The following SERPINH1 variants were observed in gnomAD, a reference collection of about 807,000 sequenced individuals.
The protein encoded by SERPINH1 is serpin H1.
A neutral mutation model predicts 32.3 loss-of-function variants in SERPINH1; 22 were observed. That is an observed-to-expected ratio of 0.68 (90% CI 0.49 to 0.97). The LOEUF (loss-of-function observed/expected upper bound fraction) is 0.97, where lower values mean the gene tolerates loss of function less well. Among genes scored for constraint, SERPINH1 ranks in the 50% least tolerant of loss-of-function variants. SERPINH1 has a pLI of 0.00. For synonymous variants in SERPINH1, 251 were observed against 245.9 expected, an observed-to-expected ratio of 1.02 and a Z score of -0.19; for missense variants, 543 against 576.4, an observed-to-expected ratio of 0.94 and a Z score of 0.59.
rs553118941 is a variant in SERPINH1 at position 75,568,968 on chromosome 11, G to A, written c.751G>A (p.Glu251Lys). 4 of 1,614,080 alleles carry A rather than the reference G, an allele frequency of 2.5e-6. No homozygotes were observed. In the African/African-American group the frequency reaches 4.0e-5, roughly 16 times the overall value. ...CTACAACTACTACGACGACGAGAAG[G>A]AAAAGCTGCAAATCGTGGAGATGCC... Reference protein sequence around the residue: ...GLYNYYDDEKEKLQIVEMPLA... With the variant: ...GLYNYYDDEKKKLQIVEMPLA... The change falls in exon 4 of 5, where the codon GAA becomes AAA. Residue 251 changes from glutamate (E) to lysine (K), a missense_variant. Glu to Lys is a moderately conservative substitution (Grantham distance 56, BLOSUM62 1). Around this residue, in one of 3 missense-constraint regions of SERPINH1, gnomAD observed 427 missense variants for 446.4 expected, o/e 0.96. Coordinates refer to ENST00000358171, the MANE Select transcript of SERPINH1 (RefSeq NM_001235.5).
intron 2 of SERPINH1, chr11:75,568,256 T>G: frequency 4.4e-6 from 1 of 225,536 alleles, no homozygotes; most frequent in Non-Finnish European, 9.0e-6. Context: ...ACCACTGCAC[T>G]CCAGCTGTAG....
At chr11:75,570,395 G>A (rs538197157) in intron 4 of SERPINH1, among the ~76,000 whole-genome samples, 1 of 152,244 alleles carries the variant, frequency 6.6e-6, no homozygotes, top group East Asian at 1.9e-4. Flanking sequence ...CTCTCTCCTG[G>A]TCCTGGCCCT....
chr11:75,564,742 C>A (rs911015565), intron 1 of SERPINH1, among the ~76,000 whole-genome samples: 2 of 152,130 alleles, frequency 1.3e-5, no homozygotes, highest in African/African-American at 4.8e-5. Flanking sequence ...GATCTCTGGG[C>A]CTTCCCTCCT....
rs1208493560 is a variant in SERPINH1, at chr11:75,572,544, C to T, written c.*461C>T. ...GTGCTGCAGCCCCTGGGACCAGGCACCCCCAGAATGACCTGGCCGCAGTGA... is the reference window on the plus strand; with the variant it reads ...GTGCTGCAGCCCCTGGGACCAGGCATCCCCAGAATGACCTGGCCGCAGTGA... On this transcript the variant is annotated 3_prime_UTR_variant, in exon 5 of 5. Transcript: ENST00000358171. The T allele has an allele frequency of 4.7e-6, 1 of 213,292 alleles. No homozygotes were observed. The highest frequency in any genetic ancestry group is 8.6e-5 in the South Asian group (1 of 11,620). 13.2% of individuals were successfully genotyped at this position (213,292 alleles called of 1,614,324 possible). A position where few individuals can be genotyped will look rare whatever the true frequency, so the allele number is the denominator to read the frequency against.
chr11:75,565,193 G>A (rs929691409), intron 1 of SERPINH1, among the ~76,000 whole-genome samples: 1 of 152,228 alleles, frequency 6.6e-6, no homozygotes, highest in African/African-American at 2.4e-5. Context: ...TACTGCTGGG[G>A]CTTGGGGAGG....
chr11:75,568,574 C>A (rs1052270331), intron 2 of SERPINH1, 157 bp from the exon 3 acceptor site: 4 of 690,712 alleles, frequency 5.8e-6, no homozygotes, highest in Middle Eastern at 3.7e-4. Context: ...GGAACATAGA[C>A]TCTGTGGGCT....
Position 75,572,172 on chromosome 11 carries a change from C to CT in SERPINH1, c.*89_*90insT. 7.5e-7 allele frequency: 1 copy of CT among 1,328,058 alleles called. No individual in the cohort carries two copies. The highest frequency in any genetic ancestry group is 1.9e-5 in the Admixed American group (1 of 53,488). The allele number at this position is 1,328,058 out of a possible 1,614,324, so 82.3% of individuals were successfully genotyped here. On this transcript the variant is annotated 3_prime_UTR_variant, in exon 5 of 5. Coordinates refer to ENST00000358171, the MANE Select transcript of SERPINH1 (RefSeq NM_001235.5). ...TTGGGGTTGGGGGGGAGGTGAGGTA[C>CT]CAGCCTTGGATACTCCATGGGGTGG... is the stretch of plus-strand genomic sequence containing the variant.
chr11:75,567,103 G>C, intron 2 of SERPINH1, 132 bp downstream of exon 2: 1 of 1,022,464 alleles, frequency 9.8e-7, no homozygotes, highest in South Asian at 1.6e-5. Context: ...AGGCAGGACT[G>C]TCACTCAGCT....
chr11:75,566,194 C>T, intron 1 of SERPINH1, 122 bp from the exon 2 acceptor site: 6 of 856,942 alleles, frequency 7.0e-6, no homozygotes, highest in Non-Finnish European at 9.1e-6. Context: ...TCTGGGATTC[C>T]TGGACTGTGG....
intron 2 of SERPINH1, chr11:75,568,480 T>C: frequency 3.6e-6 from 2 of 550,086 alleles, no homozygotes; most frequent in South Asian, 1.9e-5. Context: ...TAATTCTCTA[T>C]CATATGGGAG....
rs748414210 is a variant in SERPINH1 at position 75,566,645 on chromosome 11, C to G, written c.296C>G (p.Ala99Gly). 2 of 1,608,020 alleles carry G rather than the reference C, an allele frequency of 1.2e-6. No homozygotes were observed. Among genetic ancestry groups the G allele is most frequent in the Non-Finnish European group, 8.5e-7 (1 of 1,178,470 alleles). The change falls in exon 2 of 5, where the codon GCC (alanine) becomes GGC (glycine). Residue 99 changes from alanine (A) to glycine (G), a missense_variant. This residue lies in a region of SERPINH1 where 427 missense variants were observed against 446.4 expected (regional missense o/e 0.96). Coordinates refer to ENST00000358171, the MANE Select transcript of SERPINH1 (RefSeq NM_001235.5). ...TCGCAGGCCAAGGCAGTGCTGAGCG[C>G]CGAGCAGCTGCGCGACGAGGAGGTG... ...TASQAKAVLSAEQLRDEEVHA... is the reference protein window; with the variant it reads ...TASQAKAVLSGEQLRDEEVHA...
rs751053910 is a variant in SERPINH1 at position 75,566,538 on chromosome 11, A to C, written c.189A>C (p.Ala63=). ...SLYQAMAKDQ[A]VENILVSPVV... Reference sequence around the variant, plus strand: ...ACCAGGCCATGGCCAAGGACCAGGCAGTGGAGAACATCCTGGTGTCACCCG... The same window carrying C: ...ACCAGGCCATGGCCAAGGACCAGGCCGTGGAGAACATCCTGGTGTCACCCG... Residue 63 remains alanine (A), a synonymous_variant, in exon 2 of 5, where the codon GCA becomes GCC. Transcript: ENST00000358171. 6.2e-7 allele frequency: 1 copy of C among 1,611,872 alleles called. No individual in the cohort carries two copies. The highest frequency in any genetic ancestry group is 1.1e-5 in the South Asian group (1 of 90,976).
intron 1 of SERPINH1, among the ~76,000 whole-genome samples, chr11:75,564,429 G>A (rs1354885741): frequency 2.0e-5 from 3 of 152,208 alleles, no homozygotes; most frequent in Admixed American, 6.5e-5. Flanking sequence ...AGGGAAGGAA[G>A]GCTGTTGGCC....
rs1302597191 is a variant in SERPINH1 at position 75,569,007 on chromosome 11, C to T, written c.790C>T (p.Leu264Phe). 1.2e-6 allele frequency: 2 copies of T among 1,614,112 alleles called. No homozygotes were observed. Among genetic ancestry groups the T allele is most frequent in the African/African-American group, 2.7e-5 (2 of 74,948 alleles). ...CGTGGAGATGCCCCTGGCCCACAAG[C>T]TCTCCAGCCTCATCATCCTCATGCC... ...QIVEMPLAHK[L>F]SSLIILMPHH... is the part of the protein sequence containing the mutation. Residue 264 changes from leucine (L) to phenylalanine (F), a missense_variant, in exon 4 of 5, where the codon CTC becomes TTC. Physicochemically the swap from Leu to Phe is conservative, Grantham distance 22 (BLOSUM62 0). Transcript: ENST00000358171.
chr11:75,568,699 G>A, intron 2 of SERPINH1, 32 bp from the exon 3 acceptor site: 2 of 1,497,636 alleles, frequency 1.3e-6, no homozygotes, highest in South Asian at 1.1e-5. Flanking sequence ...GCGGCCATGT[G>A]TCTCTGACCC....
intron 1 of SERPINH1, among the ~76,000 whole-genome samples, chr11:75,565,270 G>A (rs1246290709): frequency 2.0e-5 from 3 of 152,180 alleles, no homozygotes; most frequent in Non-Finnish European, 4.4e-5. Flanking sequence ...CAGATTGGAG[G>A]GCAGAATGGA....
chr11:75,570,741 T>C (rs986978853), intron 4 of SERPINH1, among the ~76,000 whole-genome samples: 2 of 152,164 alleles, frequency 1.3e-5, no homozygotes, highest in Non-Finnish European at 1.5e-5. Context: ...CTCTCCTGCA[T>C]TGAGAGCCAG....
chr11:75,569,032 C>T lies in SERPINH1; in HGVS notation c.815C>T (p.Pro272Leu), dbSNP rs1942150316. 2 of 1,614,188 alleles carry T rather than the reference C, an allele frequency of 1.2e-6. No homozygotes were observed. Among genetic ancestry groups the T allele is most frequent in the Non-Finnish European group, 8.5e-7 (1 of 1,180,004 alleles). The change falls in exon 4 of 5, where the codon CCC (proline) becomes CTC (leucine). Residue 272 changes from proline (P) to leucine (L), a missense_variant. This residue lies in a region of SERPINH1 where 427 missense variants were observed against 446.4 expected (regional missense o/e 0.96). Coordinates refer to ENST00000358171, the MANE Select transcript of SERPINH1 (RefSeq NM_001235.5). ...CTCTCCAGCCTCATCATCCTCATGC[C>T]CCATCACGTGGAGCCTCTCGAGCGC... Reference protein sequence around the residue: ...HKLSSLIILMPHHVEPLERLE... With the variant: ...HKLSSLIILMLHHVEPLERLE...
In SERPINH1 at chr11:75,566,513, A is replaced by T; in HGVS notation, c.164A>T (p.Tyr55Phe). 1.2e-6 allele frequency: 2 copies of T among 1,612,310 alleles called. No individual in the cohort carries two copies. Among genetic ancestry groups the T allele is most frequent in the Non-Finnish European group, 1.7e-6 (2 of 1,179,762 alleles). Residue 55 changes from tyrosine (Y) to phenylalanine (F), a missense_variant, in exon 2 of 5, where the codon TAC becomes TTC. Tyr to Phe is a conservative substitution (Grantham distance 22). Transcript: ENST00000358171. The stretch of plus-strand genomic sequence containing the variant: ...AGCGCCGGCCTGGCCTTCAGCTTGT[A>T]CCAGGCCATGGCCAAGGACCAGGCA... ...ERSAGLAFSL[Y>F]QAMAKDQAVE...
Sources: gnomAD v4.1 joint callset for allele counts (sites outside exome capture counted in the v4.1 genomes callset) on GRCh38, gnomAD v4.1.1 for gene constraint, gnomAD v4.1.1 regional missense constraint, MANE v1.5 for transcripts, NCBI Gene and HGNC (gene_info 2026-07-23, HGNC 2026-07-21) for gene names.